Variants in DOCK4 observed in about 807,000 individuals in gnomAD.
DOCK4 encodes the protein dedicator of cytokinesis 4.
In DOCK4, 97 loss-of-function variants were observed where a neutral mutation model predicts 268.1. The observed-to-expected ratio is 0.36, with a 90% confidence interval of 0.31 to 0.43. The LOEUF is 0.43. Ranked by LOEUF, DOCK4 falls within the 20% of genes least tolerant of loss-of-function variation. DOCK4 has a pLI of 1.00. For synonymous variants in DOCK4, 954 were observed against 887.2 expected, an observed-to-expected ratio of 1.08 and a Z score of -1.34; for missense variants, 2,145 against 2,455.7, an observed-to-expected ratio of 0.87 and a Z score of 2.67.
chr7:112,097,236 GAACAT>G (rs1810228831), intron 1 of DOCK4, among the ~76,000 whole-genome samples: 1 of 152,180 alleles, frequency 6.6e-6, no homozygotes, highest in Non-Finnish European at 1.5e-5. Flanking sequence ...GGGAAGGTCT[GAACAT>G]ATGAAAGTTT....
intron 1 of DOCK4, among the ~76,000 whole-genome samples, chr7:112,165,541 T>C (rs894791629): frequency 2.9e-5 from 4 of 136,596 alleles, no homozygotes; most frequent in African/African-American, 9.9e-5. Flanking sequence ...TGTGTGTGTG[T>C]GTGTGTGTGT....
chr7:111,860,590 G>T (rs770264889), intron 23 of DOCK4, among the ~76,000 whole-genome samples: 1 of 152,026 alleles, frequency 6.6e-6, no homozygotes, highest in Non-Finnish European at 1.5e-5. Context: ...AGCAGACAGG[G>T]TTTCCTCTTC....
At chr7:111,854,448 C>A (rs1219973574) in intron 23 of DOCK4, among the ~76,000 whole-genome samples, 3 of 152,214 alleles carry the variant, frequency 2.0e-5, no homozygotes, top group Admixed American at 1.3e-4. Context: ...ATTGCTCACT[C>A]GGGGAGCTCA....
At chr7:111,882,740 G>A (rs1037595967) in intron 16 of DOCK4, among the ~76,000 whole-genome samples, 1 of 152,006 alleles carries the variant, frequency 6.6e-6, no homozygotes, top group Non-Finnish European at 1.5e-5. Context: ...AGCCTCCCAA[G>A]TAGCTGGAAT....
chr7:112,183,725 G>GA (rs1193784992), intron 1 of DOCK4, among the ~76,000 whole-genome samples: 1 of 152,204 alleles, frequency 6.6e-6, no homozygotes, highest in East Asian at 1.9e-4. Context: ...ATCAGATTGA[G>GA]AACCACTGAT....
At chr7:111,913,275 A>G (rs1229806959) in intron 13 of DOCK4, among the ~76,000 whole-genome samples, 1 of 150,594 alleles carries the variant, frequency 6.6e-6, no homozygotes, top group Non-Finnish European at 1.5e-5. Context: ...ATCTCCTTTT[A>G]ACATTGGAGG....
rs372610858 is a variant in DOCK4 at position 111,876,748 on chromosome 7, G to A, written c.1744+282C>T. 1.0e-3 allele frequency among the ~76,000 whole-genome samples: 127 copies of A among 124,092 alleles called. 2 individuals are homozygous for A. In the East Asian group the frequency reaches 0.027, roughly 27 times the overall value. The allele number at this position is 124,092 out of a possible 152,430, so 81.4% of individuals were successfully genotyped here. On this transcript the variant is annotated intron_variant, in intron 17 of 52. Coordinates refer to ENST00000428084, the MANE Select transcript of DOCK4 (RefSeq NM_001363540.2). Reference sequence around the variant, plus strand: ...ACGAGATTAAGGTGTTGGTATTTTCGTTTTTTTTTTTTTTTTCAAAGCATC... The same window carrying A: ...ACGAGATTAAGGTGTTGGTATTTTCATTTTTTTTTTTTTTTTCAAAGCATC...
chr7:112,133,461 G>A (rs577041687), intron 1 of DOCK4, among the ~76,000 whole-genome samples: 31 of 152,300 alleles, frequency 2.0e-4, no homozygotes, highest in Admixed American at 2.0e-3. Context: ...CCCAGGTATG[G>A]CAGCTCATGC....
In DOCK4 at chr7:111,741,602, C is replaced by T. The variant is rs771910846; in HGVS notation, c.4857G>A (p.Val1619=). Reference sequence around the variant, plus strand: ...CAGAAGCAGGTGCTGAGTTTCTACACACACGAGGGCTTCCATTAGGAAAAT... The same window carrying T: ...CAGAAGCAGGTGCTGAGTTTCTACATACACGAGGGCTTCCATTAGGAAAAT... ...PVHFPNGSPR[V]CRNSAPASVS... The change falls in exon 46 of 53, where the codon GTG becomes GTA. Residue 1619 remains valine, a synonymous_variant. Coordinates refer to ENST00000428084, the MANE Select transcript of DOCK4 (RefSeq NM_001363540.2). 16 of 1,613,622 alleles carry T rather than the reference C, an allele frequency of 9.9e-6. No homozygotes were observed. The highest frequency in any genetic ancestry group is 3.3e-5 in the Admixed American group (2 of 59,984).
Position 111,749,088 on chromosome 7 carries a change from C to T in DOCK4, c.4417-1645G>A, listed in dbSNP as rs374081256. 2.0e-5 allele frequency among the ~76,000 whole-genome samples: 3 copies of T among 152,104 alleles called. No individual in the cohort carries two copies. In the South Asian group the frequency reaches 6.2e-4, roughly 31 times the overall value. ...GATACCATAGAAGTCAGGATAGTGA[C>T]TACTTTTATGGTGAAGATGGAGCTA... On this transcript the variant is annotated intron_variant, in intron 42 of 52. Coordinates refer to ENST00000428084, the MANE Select transcript of DOCK4 (RefSeq NM_001363540.2).
At chr7:111,745,969 T>C (rs1360092868) in intron 44 of DOCK4, among the ~76,000 whole-genome samples, 1 of 152,216 alleles carries the variant, frequency 6.6e-6, no homozygotes, top group Non-Finnish European at 1.5e-5. Context: ...ACCTTCAGGC[T>C]ATGTGTATAA....
intron 1 of DOCK4, among the ~76,000 whole-genome samples, chr7:112,199,872 C>A (rs908412819): frequency 6.6e-6 from 1 of 152,148 alleles, no homozygotes; most frequent in Non-Finnish European, 1.5e-5. Context: ...GGAAGACATA[C>A]AAGTACTAAA....
At chr7:111,810,338 G>A (rs139760041) in intron 28 of DOCK4, among the ~76,000 whole-genome samples, 1,839 of 152,118 alleles carry the variant, frequency 0.012, 38 homozygotes, top group African/African-American at 0.042. Context: ...TGTGGTCCCA[G>A]CTACTCAGTA....
chr7:111,822,945 A>G lies in DOCK4; in HGVS notation c.2836-489T>C, dbSNP rs578212787. On this transcript the variant is annotated intron_variant, in intron 26 of 52. Coordinates refer to ENST00000428084, the MANE Select transcript of DOCK4 (RefSeq NM_001363540.2). The stretch of plus-strand genomic sequence containing the variant: ...CTATTTTTCTTACAGGGCATTCTTG[A>G]GATGCAGTATTAATGGAATGTATGC... 8.5e-5 allele frequency among the ~76,000 whole-genome samples: 13 copies of G among 152,292 alleles called. No homozygotes were observed. The South Asian group carries it at 2.7e-3, about 32-fold the overall frequency.
chr7:111,779,742 ACTT>A (rs1798677816), intron 35 of DOCK4, among the ~76,000 whole-genome samples: 10 of 152,180 alleles, frequency 6.6e-5, no homozygotes, highest in Admixed American at 6.5e-4. Flanking sequence ...ATCCAAAGCT[ACTT>A]CTTCACCACA....
At chr7:112,151,609 T>C (rs964764004) in intron 1 of DOCK4, among the ~76,000 whole-genome samples, 3 of 152,110 alleles carry the variant, frequency 2.0e-5, no homozygotes, top group African/African-American at 7.2e-5. Flanking sequence ...CTTTCCCCCA[T>C]TGCATTTTGA....
chr7:112,116,814 G>A (rs935007259), intron 1 of DOCK4, among the ~76,000 whole-genome samples: 8 of 151,822 alleles, frequency 5.3e-5, no homozygotes, highest in South Asian at 2.1e-4. Context: ...GGCTGTTCTC[G>A]AAATCTTGGC....
At chr7:111,860,254 T>C (rs1805396440) in intron 23 of DOCK4, among the ~76,000 whole-genome samples, 1 of 152,230 alleles carries the variant, frequency 6.6e-6, no homozygotes, top group Non-Finnish European at 1.5e-5. Context: ...AGAAGCACTT[T>C]CCACGTTTCC....
chr7:112,030,391 G>T (rs529094650), intron 1 of DOCK4, among the ~76,000 whole-genome samples: 23 of 152,246 alleles, frequency 1.5e-4, no homozygotes, highest in Non-Finnish European at 3.1e-4. Context: ...CTCAATTAAT[G>T]CAGCTAAATA....
Sources: allele counts gnomAD v4.1 joint callset (sites outside exome capture counted in the v4.1 genomes callset), GRCh38; gene constraint gnomAD v4.1.1; transcripts MANE v1.5; gene names NCBI Gene and HGNC (gene_info 2026-07-23, HGNC 2026-07-21).